The following TEX35 variants were observed in gnomAD, a reference collection of about 807,000 sequenced individuals.
TEX35 encodes the protein testis-expressed protein 35.
TEX35 carries 26 observed loss-of-function variants against 31.9 expected under a neutral mutation model. The observed-to-expected ratio is 0.81, with a 90% confidence interval of 0.60 to 1.13. The LOEUF (loss-of-function observed/expected upper bound fraction) is 1.13, where lower values mean the gene tolerates loss of function less well. Among genes scored for constraint, TEX35 ranks in the 50% most tolerant of loss-of-function variants. The pLI, the probability that TEX35 is intolerant of heterozygous loss-of-function variation, is 0.00. For missense variants in TEX35, 278 were observed against 273.5 expected, an observed-to-expected ratio of 1.02 and a Z score of -0.12; for synonymous variants, 87 against 90.7, an observed-to-expected ratio of 0.96 and a Z score of 0.23.
At chr1:178,514,881 C>A in intron 3 of TEX35, 113 bp downstream of exon 3, 1 of 846,244 alleles carries the variant, frequency 1.2e-6, no homozygotes, top group Non-Finnish European at 1.9e-6. Flanking sequence ...TACATAGGCA[C>A]AGTGCAATTA....
intron 4 of TEX35, 101 bp downstream of exon 4, chr1:178,516,016 A>C (rs905210043): frequency 2.1e-6 from 2 of 945,592 alleles, no homozygotes; most frequent in South Asian, 2.8e-5. Flanking sequence ...AATTGCATGG[A>C]AAAATGTAAC....
In TEX35 at chr1:178,514,075, A is replaced by G; in HGVS notation, c.88A>G (p.Lys30Glu). ...CCTGGAATTGAAGCCAGAGCCGACC[A>G]AAGTAAGAAGCCCTTTTGAGGCCAT... ...VCLELKPEPT[K>E]TFDYKAVKQE... Residue 30 changes from lysine (K) to glutamate (E), a missense_variant and splice_region_variant, in exon 2 of 9, where the codon AAA becomes GAA. By Grantham distance (56) the Lys-to-Glu change is moderately conservative. Transcript: ENST00000319416. 1 of 1,614,246 alleles carries G rather than the reference A, an allele frequency of 6.2e-7. No homozygotes were observed. Among genetic ancestry groups the G allele is most frequent in the Non-Finnish European group, 8.5e-7 (1 of 1,180,044 alleles).
intron 5 of TEX35, among the ~76,000 whole-genome samples, chr1:178,519,926 C>T (rs1167349332): frequency 6.6e-6 from 1 of 152,172 alleles, no homozygotes; most frequent in Non-Finnish European, 1.5e-5. Flanking sequence ...TGTTGACCAT[C>T]TTTGCCAGGA....
At chr1:178,514,190 TG>T (rs776914329) in intron 2 of TEX35, 113 bp downstream of exon 2, 31 of 1,593,332 alleles carry the variant, frequency 1.9e-5, no homozygotes, top group Admixed American at 8.8e-5. Flanking sequence ...TCCCAGGTGC[TG>T]GGGGATGCAC....
chr1:178,516,551 T>C (rs1204540284), intron 4 of TEX35, 64 bp from the exon 5 acceptor site: 2 of 1,435,540 alleles, frequency 1.4e-6, no homozygotes, highest in South Asian at 2.3e-5. Flanking sequence ...GCCTGAAAGA[T>C]GCCACAACTA....
At chr1:178,521,817 A>C in intron 8 of TEX35, 1 of 1,538,814 alleles carries the variant, frequency 6.5e-7, no homozygotes, top group Non-Finnish European at 8.8e-7. Context: ...GCCAAAGGGG[A>C]TGTCATGGTT....
At chr1:178,520,348 C>T (rs375444894) in intron 5 of TEX35, 24 bp from the exon 6 acceptor site, 4 of 1,608,378 alleles carry the variant, frequency 2.5e-6, no homozygotes, top group Non-Finnish European at 8.5e-7. Context: ...AATGAAGATG[C>T]TAGTTCTGAA....
rs756862585 is a variant in TEX35, at chr1:178,521,537, C to G, written c.586+273C>G. 5 of 1,346,054 alleles carry G rather than the reference C, an allele frequency of 3.7e-6. No homozygotes were observed. The South Asian group carries it at 6.3e-5, about 17-fold the overall frequency. The allele number at this position is 1,346,054 out of a possible 1,614,324, so 83.4% of individuals were successfully genotyped here. A position where few individuals can be genotyped will look rare whatever the true frequency, so the allele number is the denominator to read the frequency against. On this transcript the variant is annotated intron_variant, in intron 8 of 8. Transcript: ENST00000319416. ...GGCGGAACTGACCTTGCCTCAGGTC[C>G]TGCCCTTTCTCCCCATCCAGTGGGA...
At chr1:178,521,928 T>G in intron 8 of TEX35, 2 of 1,246,594 alleles carry the variant, frequency 1.6e-6, no homozygotes, top group Non-Finnish European at 2.2e-6. Flanking sequence ...TCCTGATGGA[T>G]TGGTGGGAAA....
Position 178,520,362 on chromosome 1 carries a change from T to G in TEX35, c.277-10T>G. 1 of 1,612,344 alleles carries G rather than the reference T, an allele frequency of 6.2e-7. No individual in the cohort carries two copies. The highest frequency in any genetic ancestry group is 8.5e-7 in the Non-Finnish European group (1 of 1,179,358). On this transcript the variant is annotated splice_polypyrimidine_tract_variant and intron_variant, in intron 5 of 8. Transcript: ENST00000319416. ...AAATGAAGATGCTAGTTCTGAATTC[T>G]CTCTCGAAGGAAATGCAGAAAGATA...
In TEX35 at chr1:178,520,323, T is replaced by C. The variant is rs201837136; in HGVS notation, c.277-49T>C. The C allele has an allele frequency of 1.8e-5, 29 of 1,581,038 alleles. No individual in the cohort carries two copies. In the East Asian group the frequency reaches 5.4e-4, roughly 29 times the overall value. ...TGCAGAGAGGCAGGAGGAAGGTATTTCCAAAGTCCTTCAAAATGAAGATGC... is the reference window on the plus strand; with the variant it reads ...TGCAGAGAGGCAGGAGGAAGGTATTCCCAAAGTCCTTCAAAATGAAGATGC... On this transcript the variant is annotated intron_variant, in intron 5 of 8. Transcript: ENST00000319416.
chr1:178,516,305 T>C (rs369840535), intron 4 of TEX35, among the ~76,000 whole-genome samples: 4 of 152,232 alleles, frequency 2.6e-5, no homozygotes, highest in Non-Finnish European at 4.4e-5. Context: ...CAACCACCTG[T>C]AGCATCCTTA....
At chr1:178,521,193 C>A (rs996343309) in intron 7 of TEX35, 29 bp from the exon 8 acceptor site, 4 of 1,614,078 alleles carry the variant, frequency 2.5e-6, no homozygotes, top group Non-Finnish European at 3.4e-6. Context: ...GGAAATTGAT[C>A]TTTCTTGTGC....
At chr1:178,517,774 G>C (rs1650132248) in intron 5 of TEX35, among the ~76,000 whole-genome samples, 1 of 152,098 alleles carries the variant, frequency 6.6e-6, no homozygotes, top group Non-Finnish European at 1.5e-5. Context: ...ACTTAAGCCA[G>C]TTAACACTGT....
In TEX35 at chr1:178,513,114, G is replaced by C. The variant is rs1437625393; in HGVS notation, c.-75G>C. On this transcript the variant is annotated 5_prime_UTR_variant, in exon 1 of 9. Transcript: ENST00000319416. The stretch of plus-strand genomic sequence containing the variant: ...GGTCACCCTGCCCTCACCTTGACCT[G>C]TAAGTTGCCTAGGACAGTGGCCTGG... 2 of 1,523,884 alleles carry C rather than the reference G, an allele frequency of 1.3e-6. No individual in the cohort carries two copies. Among genetic ancestry groups the C allele is most frequent in the South Asian group, 2.2e-5 (2 of 89,016 alleles). The allele number at this position is 1,523,884 out of a possible 1,614,324, so 94.4% of individuals were successfully genotyped here.
At position 178,521,229 on chromosome 1, in the gene TEX35, G is replaced by A. The variant is rs1436760164; in HGVS notation, c.551G>A (p.Cys184Tyr). ...CGTTTCTGTCCTCTGCAGGAGAAAT[G>A]TTTGTTGTGTGCTCTAAAGAACAAC... The part of the protein sequence containing the change: ...LHHCGTCCEK[C>Y]LLCALKNNYN... Residue 184 changes from cysteine (C) to tyrosine (Y), a missense_variant, in exon 8 of 9, where the codon TGT becomes TAT. By Grantham distance (194) the Cys-to-Tyr change is radical. Transcript: ENST00000319416. 3 of 1,614,234 alleles carry A rather than the reference G, an allele frequency of 1.9e-6. No individual in the cohort carries two copies. Among genetic ancestry groups the A allele is most frequent in the Admixed American group, 1.7e-5 (1 of 60,034 alleles).
intron 5 of TEX35, among the ~76,000 whole-genome samples, chr1:178,519,991 G>T (rs1323700812): frequency 6.6e-6 from 1 of 152,122 alleles, no homozygotes; most frequent in Non-Finnish European, 1.5e-5. Flanking sequence ...GCATGCCAAG[G>T]GTCAAAACAT....
intron 2 of TEX35, chr1:178,514,278 G>C (rs76640951): frequency 1.1e-5 from 17 of 1,478,946 alleles, no homozygotes; most frequent in Admixed American, 2.3e-5. Flanking sequence ...ATTCAGCAGT[G>C]TTACCTGCTC....
At chr1:178,519,594 A>C (rs1167416161) in intron 5 of TEX35, among the ~76,000 whole-genome samples, 3 of 152,266 alleles carry the variant, frequency 2.0e-5, no homozygotes, top group Non-Finnish European at 4.4e-5. Context: ...ATCTCTATGC[A>C]GATGGTGTAA....
Sources: allele counts gnomAD v4.1 joint callset (sites outside exome capture counted in the v4.1 genomes callset), GRCh38; gene constraint gnomAD v4.1.1; transcripts MANE v1.5; gene names NCBI Gene and HGNC (gene_info 2026-07-23, HGNC 2026-07-21).